Variants in ATRX observed in about 807,000 individuals in gnomAD.
ATRX encodes chromatin remodeler ATRX.
In ATRX, 12 loss-of-function variants were observed where a neutral mutation model predicts 172.6. That is an observed-to-expected ratio of 0.07 (90% confidence interval 0.04 to 0.11). The LOEUF is 0.11. ATRX is among the 10% of genes least tolerant of loss of function. The probability of loss-of-function intolerance (pLI) is 1.00; values close to 1 mark genes in which losing one functional copy is unlikely to be tolerated. For missense variants in ATRX, 1,368 were observed against 1,767.4 expected, an observed-to-expected ratio of 0.77 and a Z score of 4.05; for synonymous variants, 674 against 594.7, an observed-to-expected ratio of 1.13 and a Z score of -1.94.
intron 1 of ATRX, among the ~76,000 whole-genome samples, chrX:77,754,162 CTTTT>C (rs1176523607): frequency 3.8e-5 from 4 of 105,758 alleles, no homozygotes; most frequent in African/African-American, 1.4e-4. Context: ...TACAACACCC[CTTTT>C]TTTTTTGTTT....
intron 30 of ATRX, among the ~76,000 whole-genome samples, chrX:77,547,265 T>TCCCCAACTCTGCCCTCCA (rs1293145461): frequency 9.0e-6 from 1 of 111,138 alleles, no homozygotes; most frequent in Non-Finnish European, 1.9e-5. Flanking sequence ...TTGCATACCA[T>TCCCCAACTCTGCCCTCCA]CCCCAACTCT....
At chrX:77,759,175 A>T (rs782245772) in intron 1 of ATRX, among the ~76,000 whole-genome samples, 6 of 111,733 alleles carry the variant, frequency 5.4e-5, no homozygotes, top group Middle Eastern at 4.7e-3. Context: ...TTAAGTATTA[A>T]ATTACAGTTA....
chrX:77,650,192 G>A (rs1486398128), intron 15 of ATRX, among the ~76,000 whole-genome samples: 3 of 111,820 alleles, frequency 2.7e-5, no homozygotes, highest in African/African-American at 9.7e-5. Context: ...CTGAAAAAGT[G>A]GAACAAAGTT....
chrX:77,594,704 A>T (rs557500409), intron 25 of ATRX: 2 of 111,648 alleles, frequency 1.8e-5, no homozygotes, highest in South Asian at 7.5e-4. Flanking sequence ...ATCCTACATG[A>T]TCCCATTCTC....
At chrX:77,731,143 G>A (rs1254540539) in intron 1 of ATRX, among the ~76,000 whole-genome samples, 1 of 106,463 alleles carries the variant, frequency 9.4e-6, no homozygotes, top group African/African-American at 3.4e-5. Context: ...AGATGAGAAT[G>A]GAGACATTAC....
rs2148577542 is a variant in ATRX at position 77,681,988 on chromosome X, C to G, written c.3268G>C (p.Glu1090Gln). The G allele has an allele frequency of 8.3e-7, 1 of 1,210,740 alleles. No homozygotes were observed. Among genetic ancestry groups the G allele is most frequent in the Non-Finnish European group, 1.1e-6 (1 of 894,729 alleles). ...KKSKNGAYGR[E>Q]KKRCKLLGKS... ...CCAAGCAACTTGCACCTTTTCTTCTCTCTACCATATGCTCCATTCTTACTC... is the reference window on the plus strand; with the variant it reads ...CCAAGCAACTTGCACCTTTTCTTCTGTCTACCATATGCTCCATTCTTACTC... The change falls in exon 9 of 35, where the codon GAG (glutamate) becomes CAG (glutamine). Residue 1090 changes from glutamate to glutamine, a missense_variant. By Grantham distance (29) the Glu-to-Gln change is conservative. This residue lies in a region of ATRX where 843 missense variants were observed against 643.1 expected (regional missense o/e 1.31). Coordinates refer to ENST00000373344, the MANE Select transcript of ATRX (RefSeq NM_000489.6).
intron 21 of ATRX, among the ~76,000 whole-genome samples, chrX:77,618,109 T>A (rs45514003): frequency 0.11 from 12,014 of 111,434 alleles, 806 homozygotes; most frequent in African/African-American, 0.25. Context: ...GTTGAATCCA[T>A]GGATGCAGAA....
rs1399592038 is a variant in ATRX, at chrX:77,527,933, A to G, written c.6700-4532T>C. On this transcript the variant is annotated intron_variant, in intron 30 of 34. Coordinates refer to ENST00000373344, the MANE Select transcript of ATRX (RefSeq NM_000489.6). ...GCGCAGTGCAGTGGCCTTGCCAGAT[A>G]AGGGGGCCAGACTGCTTCTTCAACC... Among the ~76,000 whole-genome samples, 15 of 108,629 alleles carry G rather than the reference A, an allele frequency of 1.4e-4. No homozygotes were observed. In the Admixed American group the frequency reaches 1.5e-3, roughly 11 times the overall value. The allele number at this position is 108,629 out of a possible 115,157, so 94.3% of individuals were successfully genotyped here.
At chrX:77,747,249 C>A (rs1272232990) in intron 1 of ATRX, among the ~76,000 whole-genome samples, 1 of 111,303 alleles carries the variant, frequency 9.0e-6, no homozygotes, top group Non-Finnish European at 1.9e-5. Flanking sequence ...ATCAGCCAGA[C>A]GCAGTAGATC....
At chrX:77,741,357 C>T (rs782678428) in intron 1 of ATRX, among the ~76,000 whole-genome samples, 7 of 110,124 alleles carry the variant, frequency 6.4e-5, no homozygotes, top group African/African-American at 2.0e-4. Context: ...GATATTAAAC[C>T]CTCATCAGTC....
intron 31 of ATRX, among the ~76,000 whole-genome samples, chrX:77,522,919 A>C (rs2063278154): frequency 8.9e-6 from 1 of 111,946 alleles, no homozygotes; most frequent in Admixed American, 9.5e-5. Context: ...CCAAACACTA[A>C]GCTCCTGTAT....
chrX:77,703,017 G>A (rs1173584919), intron 2 of ATRX, among the ~76,000 whole-genome samples: 2 of 112,432 alleles, frequency 1.8e-5, no homozygotes, highest in African/African-American at 3.2e-5. Flanking sequence ...ATAAGTCACC[G>A]CACCTCGCCA....
At chrX:77,515,358 ATGG>A (rs2063015397) in intron 34 of ATRX, among the ~76,000 whole-genome samples, 1 of 111,373 alleles carries the variant, frequency 9.0e-6, no homozygotes, top group African/African-American at 3.3e-5. Context: ...ATGCCTATCA[ATGG>A]TAGACTGGAT....
chrX:77,569,264 TA>T (rs1256869126), intron 28 of ATRX, among the ~76,000 whole-genome samples: 1 of 111,808 alleles, frequency 8.9e-6, no homozygotes, highest in Non-Finnish European at 1.9e-5. Flanking sequence ...ATATTACTCT[TA>T]AGTTTTAACT....
At chrX:77,695,555 G>A (rs2072140424) in intron 5 of ATRX, among the ~76,000 whole-genome samples, 1 of 110,439 alleles carries the variant, frequency 9.1e-6, no homozygotes, top group Non-Finnish European at 1.9e-5. Context: ...ACCACCTATG[G>A]GACTTAGACT....
intron 1 of ATRX, among the ~76,000 whole-genome samples, chrX:77,727,613 T>C (rs2074105769): frequency 9.8e-6 from 1 of 101,536 alleles, no homozygotes; most frequent in Non-Finnish European, 2.0e-5. Context: ...TTCTCACTCA[T>C]AAGTGGGAGT....
At position 77,516,706 on chromosome X, in the gene ATRX, CA is replaced by C. The variant is rs1238163180; in HGVS notation, c.7200+4081del. On this transcript the variant is annotated intron_variant, in intron 34 of 34. Coordinates refer to ENST00000373344, the MANE Select transcript of ATRX (RefSeq NM_000489.6). Reference sequence around the variant, plus strand: ...CAGACAGAAAATCAATAAAAAAAACCAACGGACTTATTCTGCACTATAGACC... The same window carrying C: ...CAGACAGAAAATCAATAAAAAAAACCACGGACTTATTCTGCACTATAGACC... Among the ~76,000 whole-genome samples, 3 of 111,552 alleles carry C rather than the reference CA, an allele frequency of 2.7e-5. No homozygotes were observed. The Admixed American group carries it at 2.9e-4, about 11-fold the overall frequency.
chrX:77,552,334 CCAT>C (rs1209078772), intron 30 of ATRX, among the ~76,000 whole-genome samples: 3 of 108,523 alleles, frequency 2.8e-5, no homozygotes, highest in African/African-American at 1.0e-4. Context: ...AAGCTGGAAA[CCAT>C]CATTCTCAGC....
At chrX:77,737,170 C>T (rs1378456736) in intron 1 of ATRX, among the ~76,000 whole-genome samples, 1 of 110,354 alleles carries the variant, frequency 9.1e-6, no homozygotes, top group Non-Finnish European at 1.9e-5. Context: ...CACACCTGTA[C>T]TCCCAGCACT....
Sources: gnomAD v4.1 joint callset for allele counts (sites outside exome capture counted in the v4.1 genomes callset) on GRCh38, gnomAD v4.1.1 for gene constraint, gnomAD v4.1.1 regional missense constraint, MANE v1.5 for transcripts, NCBI Gene and HGNC (gene_info 2026-07-23, HGNC 2026-07-21) for gene names.